The following AKR1E2 variants were observed in gnomAD, a reference collection of about 807,000 sequenced individuals.
AKR1E2 encodes the protein aldo-keto reductase family 1 member E2.
In AKR1E2, 43 loss-of-function variants were observed where a neutral mutation model predicts 41.9. The observed-to-expected ratio is 1.03, with a 90% CI of 0.80 to 1.32. The LOEUF (loss-of-function observed/expected upper bound fraction) is 1.32. Ranked by LOEUF, AKR1E2 falls within the 40% of genes most tolerant of loss-of-function variation. The pLI is 0.00. For synonymous variants in AKR1E2, 121 were observed against 138.9 expected (o/e 0.87, Z 0.91); for missense variants, 423 against 396.5 (o/e 1.07, Z -0.57).
the AKR1E2 span, among the ~76,000 whole-genome samples, chr10:4,862,674 T>C: frequency 6.6e-6 from 1 of 152,144 alleles, no homozygotes; most frequent in Non-Finnish European, 1.5e-5. Context: ...TTCCTAGGTG[T>C]TTTATTTTCT....
the AKR1E2 span, among the ~76,000 whole-genome samples, chr10:4,857,567 C>A: frequency 6.6e-6 from 1 of 152,178 alleles, no homozygotes; most frequent in African/African-American, 2.4e-5. Flanking sequence ...GCCAGTTAAA[C>A]CTCTTTTCTT....
At chr10:4,868,981 T>C in the AKR1E2 span, among the ~76,000 whole-genome samples, 10 of 152,282 alleles carry the variant, frequency 6.6e-5, no homozygotes, top group Non-Finnish European at 1.0e-4. Context: ...TTGAGAGATA[T>C]TGTTCTTAGT....
At chr10:4,868,756 A>G in the AKR1E2 span, among the ~76,000 whole-genome samples, 3 of 152,094 alleles carry the variant, frequency 2.0e-5, no homozygotes, top group African/African-American at 7.2e-5. Flanking sequence ...TGGATGTTAA[A>G]TTTTGTCAAA....
chr10:4,840,970 C>T (rs770701729), intron 6 of AKR1E2, among the ~76,000 whole-genome samples: 76 of 152,178 alleles, frequency 5.0e-4, no homozygotes, highest in Non-Finnish European at 9.6e-4. Context: ...CCCGAAAAGG[C>T]TGAAATTACT....
intron 5 of AKR1E2, 25 bp downstream of exon 5, chr10:4,837,606 GTT>G (rs1455146396): frequency 6.2e-7 from 1 of 1,600,990 alleles, no homozygotes; most frequent in Non-Finnish European, 8.5e-7. Context: ...GCATCAGAGA[GTT>G]TAACCTGTGT....
At chr10:4,836,890 C>A (rs1361667194) in intron 4 of AKR1E2, among the ~76,000 whole-genome samples, 1 of 152,198 alleles carries the variant, frequency 6.6e-6, no homozygotes, top group Non-Finnish European at 1.5e-5. Flanking sequence ...AAGCTATGCT[C>A]TTCCTGAAGC....
chr10:4,825,727 A>G (rs1193971996), upstream of AKR1E2, among the ~76,000 whole-genome samples: 1 of 152,076 alleles, frequency 6.6e-6, no homozygotes, highest in Non-Finnish European at 1.5e-5. Flanking sequence ...GAGAGCGGGG[A>G]CCCACTCCCG....
chr10:4,844,155 A>C (rs1822307128), intron 8 of AKR1E2, among the ~76,000 whole-genome samples: 2 of 151,738 alleles, frequency 1.3e-5, no homozygotes, highest in South Asian at 4.2e-4. Context: ...GTTCCTTCTG[A>C]TGTTCGGATG....
chr10:4,856,492 T>G, the AKR1E2 span, among the ~76,000 whole-genome samples: 1 of 152,204 alleles, frequency 6.6e-6, no homozygotes, highest in Non-Finnish European at 1.5e-5. Context: ...ATTGGATACA[T>G]TTATCTATAA....
the AKR1E2 span, among the ~76,000 whole-genome samples, chr10:4,871,510 T>A: frequency 0.99 from 150,413 of 152,324 alleles, 74,295 homozygotes; most frequent in East Asian, 1. Context: ...AAGTAAAAAA[T>A]GTAGATTTTG....
the AKR1E2 span, among the ~76,000 whole-genome samples, chr10:4,868,718 C>G: frequency 6.6e-6 from 1 of 152,066 alleles, no homozygotes; most frequent in South Asian, 2.1e-4. Flanking sequence ...ATCCTGTAGT[C>G]CTATTTTCTG....
At chr10:4,839,363 T>C (rs934406297) in intron 5 of AKR1E2, among the ~76,000 whole-genome samples, 2 of 152,208 alleles carry the variant, frequency 1.3e-5, no homozygotes, top group African/African-American at 2.4e-5. Flanking sequence ...TGAGCAAATA[T>C]GTAAAATCTA....
At chr10:4,842,539 A>T in intron 8 of AKR1E2, 35 bp downstream of exon 8, 1 of 1,595,520 alleles carries the variant, frequency 6.3e-7, no homozygotes, top group East Asian at 2.2e-5. Flanking sequence ...GGCGGGTTTC[A>T]GATCATGTGT....
chr10:4,839,150 A>T (rs1297870148), intron 5 of AKR1E2, among the ~76,000 whole-genome samples: 1 of 152,252 alleles, frequency 6.6e-6, no homozygotes, highest in Non-Finnish European at 1.5e-5. Flanking sequence ...CTAGCTTCTT[A>T]AAATTTTCAT....
At chr10:4,843,878 C>T (rs1834083759) in intron 8 of AKR1E2, among the ~76,000 whole-genome samples, 1 of 152,246 alleles carries the variant, frequency 6.6e-6, no homozygotes, top group Admixed American at 6.5e-5. Flanking sequence ...CAGAGCAGCT[C>T]TGGGTGACCA....
chr10:4,853,109 C>T, the AKR1E2 span, among the ~76,000 whole-genome samples: 8 of 152,178 alleles, frequency 5.3e-5, no homozygotes, highest in African/African-American at 1.9e-4. Flanking sequence ...AAGTAAGCCC[C>T]TAAAAACTAT....
At chr10:4,831,494 T>C (rs1832967947) in intron 2 of AKR1E2, among the ~76,000 whole-genome samples, 1 of 152,062 alleles carries the variant, frequency 6.6e-6, no homozygotes, top group African/African-American at 2.4e-5. Flanking sequence ...CAAGAGAAAG[T>C]GTACAGGGGA....
chr10:4,832,793 C>T (rs1187240745), intron 2 of AKR1E2, among the ~76,000 whole-genome samples: 2 of 152,018 alleles, frequency 1.3e-5, no homozygotes, highest in Non-Finnish European at 2.9e-5. Flanking sequence ...ATGGAGCCTT[C>T]AGGTTAGCTT....
the AKR1E2 span, among the ~76,000 whole-genome samples, chr10:4,867,785 T>A: frequency 6.6e-5 from 10 of 152,306 alleles, no homozygotes; most frequent in East Asian, 1.7e-3. Flanking sequence ...TTCCTTCCTT[T>A]TCCAAGCCAT....
Sources: allele counts gnomAD v4.1 joint callset (sites outside exome capture counted in the v4.1 genomes callset), GRCh38; gene constraint gnomAD v4.1.1; transcripts MANE v1.5; gene names NCBI Gene and HGNC (gene_info 2026-07-23, HGNC 2026-07-21).